The following IFNK variants were observed in gnomAD, a reference collection of about 807,000 sequenced individuals.
IFNK encodes the protein IFN-kappa.
In IFNK, 13 loss-of-function variants were observed where a neutral mutation model predicts 12.0. That is an observed-to-expected ratio of 1.08 (90% CI 0.70 to 1.72). IFNK has a LOEUF of 1.72. Among genes scored for constraint, IFNK ranks in the 40% most tolerant of loss-of-function variants. The pLI, the probability that IFNK is intolerant of heterozygous loss-of-function variation, is 0.00. For missense variants in IFNK, 248 were observed against 237.0 expected, an observed-to-expected ratio of 1.05 and a Z score of -0.30; for synonymous variants, 94 against 82.3, an observed-to-expected ratio of 1.14 and a Z score of -0.77.
intron 1 of IFNK, 32 bp downstream of exon 1, chr9:27,524,993 T>C: frequency 2.0e-6 from 3 of 1,498,442 alleles, no homozygotes; most frequent in African/African-American, 2.8e-5. Flanking sequence ...TCCTTTTCCC[T>C]CCGAAATCTC....
rs1009659107 is a variant in IFNK, at chr9:27,526,236, A to T, written c.*231A>T. 2 of 152,272 alleles carry T rather than the reference A, an allele frequency of 1.3e-5. No homozygotes were observed. Among genetic ancestry groups the T allele is most frequent in the Non-Finnish European group, 2.9e-5 (2 of 68,050 alleles). 9.4% of individuals were successfully genotyped at this position (152,272 alleles called of 1,614,324 possible). On this transcript the variant is annotated 3_prime_UTR_variant, in exon 2 of 2. Coordinates refer to ENST00000276943, the MANE Select transcript of IFNK (RefSeq NM_020124.3). ...GATAAAAGTGAGGCAAATTTCAGCC[A>T]AGAAGTTAGAAGAGATGTTTAAAAG...
At position 27,524,461 on chromosome 9, in the gene IFNK, G is replaced by A. The variant is rs1820396717; in HGVS notation, c.125G>A (p.Trp42Ter). ...AACGTTCACCTGAGAAGAGTCACCT[G>A]GCAAAATCTGAGACATCTGAGTAGT... ...LLNVHLRRVT[W>*]QNLRHLSSMS... The change falls in exon 1 of 2, where the codon TGG becomes TAG. Residue 42 changes from tryptophan (W) to a stop codon, truncating the protein, a stop_gained. Transcript: ENST00000276943. LOFTEE classifies it high-confidence loss of function. 6.2e-7 allele frequency: 1 copy of A among 1,613,902 alleles called. No individual in the cohort carries two copies. The highest frequency in any genetic ancestry group is 8.5e-7 in the Non-Finnish European group (1 of 1,179,992).
In IFNK at chr9:27,524,431, T is replaced by C. The variant is rs1327291019; in HGVS notation, c.95T>C (p.Leu32Ser). The C allele has an allele frequency of 6.2e-7, 1 of 1,614,130 alleles. No individual in the cohort carries two copies. The highest frequency in any genetic ancestry group is 8.5e-7 in the Non-Finnish European group (1 of 1,179,998). ...GGCACCCTATCCCTGGACTGTAACT[T>C]ACTGAACGTTCACCTGAGAAGAGTC... ...IAGTLSLDCN[L>S]LNVHLRRVTW... The change falls in exon 1 of 2, where the codon TTA becomes TCA. Residue 32 changes from leucine (L) to serine (S), a missense_variant. Leu to Ser is a moderately radical substitution (Grantham distance 145). Coordinates refer to ENST00000276943, the MANE Select transcript of IFNK (RefSeq NM_020124.3).
Position 27,526,374 on chromosome 9 carries a change from C to CA in IFNK, c.*370dup, listed in dbSNP as rs1201761862. 1 of 152,140 alleles carries CA rather than the reference C, an allele frequency of 6.6e-6. No homozygotes were observed. The highest frequency in any genetic ancestry group is 1.5e-5 in the Non-Finnish European group (1 of 68,024). 9.4% of individuals were successfully genotyped at this position (152,140 alleles called of 1,614,324 possible). A position where few individuals can be genotyped will look rare whatever the true frequency, so the allele number is the denominator to read the frequency against. ...AAAATAACTATCAGCAGAGTTGTTC[C>CA]AGATTAAAAATAGTACTACAAGCTT... On this transcript the variant is annotated 3_prime_UTR_variant, in exon 2 of 2. Transcript: ENST00000276943.
At position 27,524,729 on chromosome 9, in the gene IFNK, A is replaced by G. The variant is rs1430492836; in HGVS notation, c.393A>G (p.Glu131=). 6.2e-7 allele frequency: 1 copy of G among 1,614,098 alleles called. No homozygotes were observed. Among genetic ancestry groups the G allele is most frequent in the Non-Finnish European group, 8.5e-7 (1 of 1,179,962 alleles). The change falls in exon 1 of 2, where the codon GAA becomes GAG. Residue 131 remains glutamate (E), a synonymous_variant. Coordinates refer to ENST00000276943, the MANE Select transcript of IFNK (RefSeq NM_020124.3). ...AGTACCTGAACCAATGCTTGGAGGA[A>G]GACAAGAATGAAAATGAAGACATGA... ...QAEYLNQCLE[E]DKNENEDMKE...
rs761429114 is a variant in IFNK at position 27,524,491 on chromosome 9, G to A, written c.155G>A (p.Ser52Asn). 8 of 1,613,944 alleles carry A rather than the reference G, an allele frequency of 5.0e-6. No homozygotes were observed. Among genetic ancestry groups the A allele is most frequent in the Admixed American group, 1.7e-5 (1 of 59,986 alleles). ...WQNLRHLSSM[S>N]NSFPVECLRE... ...AATCTGAGACATCTGAGTAGTATGA[G>A]CAATTCATTTCCTGTAGAATGTCTA... Residue 52 changes from serine (S) to asparagine (N), a missense_variant, in exon 1 of 2, where the codon AGC becomes AAC. Transcript: ENST00000276943.
At chr9:27,525,409 G>A (rs1405871044) in intron 1 of IFNK, among the ~76,000 whole-genome samples, 1 of 152,136 alleles carries the variant, frequency 6.6e-6, no homozygotes, top group East Asian at 1.9e-4. Flanking sequence ...GCTTATACAT[G>A]CTCCCTAGAG....
chr9:27,526,055 T>C lies in IFNK; in HGVS notation c.*50T>C, dbSNP rs1267254458. Reference sequence around the variant, plus strand: ...TTAACAGAGATTGTGGCTACGCAAATGCACCAAAAAAGGGTGAAATATATC... The same window carrying C: ...TTAACAGAGATTGTGGCTACGCAAACGCACCAAAAAAGGGTGAAATATATC... On this transcript the variant is annotated 3_prime_UTR_variant, in exon 2 of 2. Coordinates refer to ENST00000276943, the MANE Select transcript of IFNK (RefSeq NM_020124.3). 6.6e-6 allele frequency: 1 copy of C among 152,152 alleles called. No homozygotes were observed. The highest frequency in any genetic ancestry group is 2.4e-5 in the African/African-American group (1 of 41,440). 9.4% of individuals were successfully genotyped at this position (152,152 alleles called of 1,614,324 possible).
In IFNK at chr9:27,524,445, CT is replaced by C; in HGVS notation, c.110del (p.Leu37ArgfsTer9). The C allele has an allele frequency of 6.2e-7, 1 of 1,614,058 alleles. No homozygotes were observed. Among genetic ancestry groups the C allele is most frequent in the South Asian group, 1.1e-5 (1 of 91,072 alleles). On this transcript the variant is annotated frameshift_variant, in exon 1 of 2. Transcript: ENST00000276943. LOFTEE classifies it high-confidence loss of function. ...SLDCNLLNVH[L>X]RRVTWQNLRH... The stretch of plus-strand genomic sequence containing the variant: ...GGACTGTAACTTACTGAACGTTCAC[CT>C]GAGAAGAGTCACCTGGCAAAATCTG...
At position 27,524,328 on chromosome 9, in the gene IFNK, G is replaced by GAAA. The variant is rs112562467; in HGVS notation, c.-9_-8insAAA. 7 of 1,602,570 alleles carry GAAA rather than the reference G, an allele frequency of 4.4e-6. No homozygotes were observed. The African/African-American group carries it at 9.5e-5, about 22-fold the overall frequency. ...ACACATCTTCTGGATTTTTTAGCTT[G>GAAA]CAAAAAAAATGAGCACCAAACCTGA... On this transcript the variant is annotated 5_prime_UTR_variant, in exon 1 of 2. Coordinates refer to ENST00000276943, the MANE Select transcript of IFNK (RefSeq NM_020124.3).
At position 27,526,332 on chromosome 9, in the gene IFNK, G is replaced by A. The variant is rs973347627; in HGVS notation, c.*327G>A. 3.9e-5 allele frequency: 6 copies of A among 152,324 alleles called. No individual in the cohort carries two copies. Among genetic ancestry groups the A allele is most frequent in the African/African-American group, 2.4e-5 (1 of 41,578 alleles). 9.4% of individuals were successfully genotyped at this position (152,324 alleles called of 1,614,324 possible). ...AAGGATCAGACAATAAAATGAGTTA[G>A]TGCAAACCATTTAGTAAAAATAACT... On this transcript the variant is annotated 3_prime_UTR_variant, in exon 2 of 2. Transcript: ENST00000276943.
In IFNK at chr9:27,524,354, T is replaced by C. The variant is rs149731845; in HGVS notation, c.18T>C (p.Asp6=). ...CAAAAAAAATGAGCACCAAACCTGA[T>C]ATGATTCAAAAGTGTTTGTGGCTTG... MSTKP[D]MIQKCLWLEI... The change falls in exon 1 of 2, where the codon GAT becomes GAC. Residue 6 remains aspartate (D), a synonymous_variant. Coordinates refer to ENST00000276943, the MANE Select transcript of IFNK (RefSeq NM_020124.3). 76 of 1,612,528 alleles carry C rather than the reference T, an allele frequency of 4.7e-5. No individual in the cohort carries two copies. The African/African-American group carries it at 8.6e-4, about 18-fold the overall frequency.
rs1820398493 is a variant in IFNK, at chr9:27,524,535, G to C, written c.199G>C (p.Glu67Gln). The C allele has an allele frequency of 3.1e-6, 5 of 1,614,112 alleles. 1 individual carries two copies. In the East Asian group the frequency reaches 8.9e-5, roughly 29 times the overall value. ...VECLRENIAF[E>Q]LPQEFLQYTQ... Reference sequence around the variant, plus strand: ...ATGTCTACGAGAAAACATAGCTTTTGAGTTGCCCCAAGAGTTTCTGCAATA... The same window carrying C: ...ATGTCTACGAGAAAACATAGCTTTTCAGTTGCCCCAAGAGTTTCTGCAATA... The change falls in exon 1 of 2, where the codon GAG becomes CAG. Residue 67 changes from glutamate to glutamine, a missense_variant. Glu to Gln is a conservative substitution (Grantham distance 29). Transcript: ENST00000276943.
rs1282870365 is a variant in IFNK, at chr9:27,526,045, G to A, written c.*40G>A. The A allele has an allele frequency of 3.9e-5, 6 of 151,978 alleles. No individual in the cohort carries two copies. Among genetic ancestry groups the A allele is most frequent in the Non-Finnish European group, 8.8e-5 (6 of 68,022 alleles). The allele number at this position is 151,978 out of a possible 1,614,324, so 9.4% of individuals were successfully genotyped here. ...CAAGCAAGAATTAACAGAGATTGTG[G>A]CTACGCAAATGCACCAAAAAAGGGT... On this transcript the variant is annotated 3_prime_UTR_variant, in exon 2 of 2. Transcript: ENST00000276943.
Position 27,526,344 on chromosome 9 carries a change from T to C in IFNK, c.*339T>C, listed in dbSNP as rs950723519. 3.9e-5 allele frequency: 6 copies of C among 152,238 alleles called. No individual in the cohort carries two copies. Among genetic ancestry groups the C allele is most frequent in the African/African-American group, 1.4e-4 (6 of 41,462 alleles). 9.4% of individuals were successfully genotyped at this position (152,238 alleles called of 1,614,324 possible). On this transcript the variant is annotated 3_prime_UTR_variant, in exon 2 of 2. Coordinates refer to ENST00000276943, the MANE Select transcript of IFNK (RefSeq NM_020124.3). ...ATAAAATGAGTTAGTGCAAACCATT[T>C]AGTAAAAATAACTATCAGCAGAGTT...
chr9:27,524,996 G>T, intron 1 of IFNK, 35 bp downstream of exon 1: 2 of 1,489,714 alleles, frequency 1.3e-6, no homozygotes, highest in Non-Finnish European at 1.8e-6. Context: ...TTTTCCCTCC[G>T]AAATCTCTTT....
At position 27,524,681 on chromosome 9, in the gene IFNK, A is replaced by C. The variant is rs182527016; in HGVS notation, c.345A>C (p.Gln115His). 103 of 1,614,090 alleles carry C rather than the reference A, an allele frequency of 6.4e-5. No individual in the cohort carries two copies. The African/African-American group carries it at 1.3e-3, about 20-fold the overall frequency. ...AAGAGAGACACCTCAAACAAATCCA[A>C]ATAGGACTTGATCAGCAAGCAGAGT... ...YWKERHLKQIQIGLDQQAEYL... is the reference protein window; with the variant it reads ...YWKERHLKQIHIGLDQQAEYL... Residue 115 changes from glutamine to histidine, a missense_variant, in exon 1 of 2, where the codon CAA (glutamine) becomes CAC (histidine). Transcript: ENST00000276943.
chr9:27,524,626 T>A lies in IFNK; in HGVS notation c.290T>A (p.Ile97Asn), dbSNP rs34933275. 3.8e-3 allele frequency: 6,187 copies of A among 1,614,058 alleles called. 217 individuals are homozygous for A. The African/African-American group carries it at 0.071, about 18-fold the overall frequency. ...GAAATGTCCCTACAGGCCTTCAACA[T>A]CTTCAGCCAACACACCTTCAAATAT... The part of the protein sequence containing the change: ...FYEMSLQAFN[I>N]FSQHTFKYWK... The change falls in exon 1 of 2, where the codon ATC (isoleucine) becomes AAC (asparagine). Residue 97 changes from isoleucine (I) to asparagine (N), a missense_variant. By Grantham distance (149) the Ile-to-Asn change is moderately radical. Coordinates refer to ENST00000276943, the MANE Select transcript of IFNK (RefSeq NM_020124.3).
rs1376153812 is a variant in IFNK at position 27,524,962 on chromosome 9, G to T, written c.*1+1G>T. The T allele has an allele frequency of 3.2e-6, 5 of 1,560,988 alleles. No homozygotes were observed. The highest frequency in any genetic ancestry group is 4.3e-6 in the Non-Finnish European group (5 of 1,159,832). ...ACAGCTCTATTCAGGAGGAAATAAG[G>T]TATATTTTTGGAATTAAAATTCCTT... is the stretch of plus-strand genomic sequence containing the variant. On this transcript the variant is annotated splice_donor_variant, in intron 1 of 1. Coordinates refer to ENST00000276943, the MANE Select transcript of IFNK (RefSeq NM_020124.3). LOFTEE classifies it low-confidence loss of function (3UTR_SPLICE).
Sources: allele counts gnomAD v4.1 joint callset (sites outside exome capture counted in the v4.1 genomes callset), GRCh38; gene constraint gnomAD v4.1.1; transcripts MANE v1.5; gene names NCBI Gene and HGNC (gene_info 2026-07-23, HGNC 2026-07-21).